PPP6R3: variants seen among roughly 807,000 people sequenced by gnomAD.
PPP6R3 encodes protein phosphatase 6 regulatory subunit 3.
In PPP6R3, 38 loss-of-function variants were observed where a neutral mutation model predicts 110.7. The ratio of observed to expected loss-of-function variants is 0.34; its 90% CI spans 0.26 to 0.45. The LOEUF is 0.45. PPP6R3 is among the 20% of genes least tolerant of loss of function. The pLI is 1.00. For synonymous variants in PPP6R3, 369 were observed against 373.5 expected (o/e 0.99, Z 0.14); for missense variants, 870 against 1,062.4 (o/e 0.82, Z 2.52).
At position 68,613,898 on chromosome 11, in the gene PPP6R3, A is replaced by ATT. The variant is rs11309470; in HGVS notation, c.*798_*799dup. The ATT allele has an allele frequency of 1.4e-3, 1,305 of 916,696 alleles. 3 individuals carry two copies. The highest frequency in any genetic ancestry group is 7.4e-3 in the African/African-American group (364 of 49,212). The allele number at this position is 916,696 out of a possible 1,614,324, so 56.8% of individuals were successfully genotyped here. On this transcript the variant is annotated 3_prime_UTR_variant, in exon 24 of 24. Transcript: ENST00000393800. ...GAGTGTATATGGCTTGTGTTTTGGG[A>ATT]TTTTTTTTTTTTTTTTTTGGCTTTT...
rs1944480176 is a variant in PPP6R3 at position 68,613,397 on chromosome 11, A to T, written c.*280A>T. On this transcript the variant is annotated 3_prime_UTR_variant, in exon 24 of 24. Transcript: ENST00000393800. ...TGAAATAAGATCTTGCCACCCATGT[A>T]ATAATAGTAGTAATACTATAGTTAA... 1 of 1,152,234 alleles carries T rather than the reference A, an allele frequency of 8.7e-7. No homozygotes were observed. The highest frequency in any genetic ancestry group is 1.1e-6 in the Non-Finnish European group (1 of 936,278). The allele number at this position is 1,152,234 out of a possible 1,614,324, so 71.4% of individuals were successfully genotyped here.
At chr11:68,568,020 A>G (rs189355534) in intron 10 of PPP6R3, among the ~76,000 whole-genome samples, 1 of 152,202 alleles carries the variant, frequency 6.6e-6, no homozygotes, top group Admixed American at 6.5e-5. Context: ...CGGTGAAGCC[A>G]AGATTTGAAT....
intron 1 of PPP6R3, among the ~76,000 whole-genome samples, chr11:68,484,298 A>G (rs757258689): frequency 2.0e-5 from 3 of 152,214 alleles, no homozygotes; most frequent in African/African-American, 7.2e-5. Context: ...AACTGCCCAC[A>G]GTGGCTGTAC....
rs1566262958 is a variant in PPP6R3 at position 68,614,599 on chromosome 11, C to T, written c.*1482C>T. On this transcript the variant is annotated 3_prime_UTR_variant, in exon 24 of 24. Transcript: ENST00000393800. ...AATAAAAGAATCAAACGTCTAATGC[C>T]TTATTATTTCTGATTTCCTTTTTCA... The T allele has an allele frequency of 1.3e-6, 2 of 1,514,548 alleles. No homozygotes were observed. The highest frequency in any genetic ancestry group is 2.7e-5 in the Admixed American group (1 of 37,558). 93.8% of individuals were successfully genotyped at this position (1,514,548 alleles called of 1,614,324 possible). A position where few individuals can be genotyped will look rare whatever the true frequency, so the allele number is the denominator to read the frequency against.
intron 11 of PPP6R3, 27 bp downstream of exon 11, chr11:68,569,924 C>G (rs1367296425): frequency 6.9e-6 from 11 of 1,584,780 alleles, no homozygotes; most frequent in Non-Finnish European, 9.5e-6. Flanking sequence ...TCGTTTTTCT[C>G]CCACTCTCTC....
intron 3 of PPP6R3, among the ~76,000 whole-genome samples, chr11:68,540,800 G>T (rs2099311034): frequency 6.6e-6 from 1 of 152,222 alleles, no homozygotes; most frequent in Non-Finnish European, 1.5e-5. Flanking sequence ...TTTGAAAGAA[G>T]AGAAATATGG....
intron 1 of PPP6R3, among the ~76,000 whole-genome samples, chr11:68,466,824 A>G (rs2098750636): frequency 6.6e-6 from 1 of 152,250 alleles, no homozygotes; most frequent in Non-Finnish European, 1.5e-5. Flanking sequence ...CGTGTTAGCC[A>G]GGATGGTCTC....
chr11:68,573,747 A>C (rs1300672038), intron 12 of PPP6R3, among the ~76,000 whole-genome samples: 2 of 152,222 alleles, frequency 1.3e-5, no homozygotes, highest in African/African-American at 4.8e-5. Context: ...AAAAAGTTTC[A>C]TTAAAAAGAT....
intron 11 of PPP6R3, among the ~76,000 whole-genome samples, chr11:68,570,789 A>G (rs1219088771): frequency 2.0e-5 from 3 of 152,218 alleles, no homozygotes; most frequent in Non-Finnish European, 4.4e-5. Context: ...AGTTAACTAT[A>G]GGTAGTTAAC....
At position 68,515,771 on chromosome 11, in the gene PPP6R3, A is replaced by G. The variant is rs547204730; in HGVS notation, c.-157-3730A>G. ...TAACTGTAATTACTTCCTTTCTCCA[A>G]ATATAACCATGCTGGGAGTTAGGAC... On this transcript the variant is annotated intron_variant, in intron 1 of 23. Transcript: ENST00000393800. Among the ~76,000 whole-genome samples the G allele has an allele frequency of 3.3e-5, 5 of 152,310 alleles. No individual in the cohort carries two copies. In the East Asian group the frequency reaches 9.6e-4, roughly 29 times the overall value.
chr11:68,519,842 T>C (rs1313847196), intron 2 of PPP6R3, among the ~76,000 whole-genome samples, 191 bp downstream of exon 2: 1 of 152,132 alleles, frequency 6.6e-6, no homozygotes, highest in Non-Finnish European at 1.5e-5. Flanking sequence ...TCTGCTTTGG[T>C]ATATCTTAAA....
intron 19 of PPP6R3, among the ~76,000 whole-genome samples, chr11:68,598,190 T>G (rs2099619938): frequency 6.6e-6 from 1 of 152,212 alleles, no homozygotes; most frequent in Non-Finnish European, 1.5e-5. Flanking sequence ...AGTATTTATC[T>G]TTGTGACTGG....
At chr11:68,482,282 C>T (rs899222262) in intron 1 of PPP6R3, among the ~76,000 whole-genome samples, 10 of 149,728 alleles carry the variant, frequency 6.7e-5, no homozygotes, top group Admixed American at 5.3e-4. Flanking sequence ...AACGTGGTGG[C>T]GGGCGCCTGT....
At position 68,574,208 on chromosome 11, in the gene PPP6R3, G is replaced by A; in HGVS notation, c.1443G>A (p.Val481=). The A allele has an allele frequency of 1.2e-6, 2 of 1,613,240 alleles. No individual in the cohort carries two copies. The highest frequency in any genetic ancestry group is 8.5e-7 in the Non-Finnish European group (1 of 1,179,290). Residue 481 remains valine, a synonymous_variant, in exon 13 of 24, where the codon GTG becomes GTA. Transcript: ENST00000393800. ...STDKGPNSAL[V]QQLIKDLPDE... is the part of the protein sequence containing the mutation. The stretch of plus-strand genomic sequence containing the variant: ...ACAAGGGCCCCAACAGTGCATTAGT[G>A]CAGCAGCTTATCAAAGGTAAGTTAT...
chr11:68,489,092 C>G (rs1198395483), intron 1 of PPP6R3, among the ~76,000 whole-genome samples: 5 of 145,880 alleles, frequency 3.4e-5, no homozygotes, highest in Admixed American at 1.4e-4. Flanking sequence ...GATCTCGGCT[C>G]ACTACAAGCT....
intron 20 of PPP6R3, among the ~76,000 whole-genome samples, 188 bp downstream of exon 20, chr11:68,600,682 C>T (rs2099629160): frequency 6.6e-6 from 1 of 152,232 alleles, no homozygotes; most frequent in Non-Finnish European, 1.5e-5. Context: ...TCTTCCTTTC[C>T]TTTCCTCCTG....
In PPP6R3 at chr11:68,563,951, A is replaced by G. The variant is rs61063428; in HGVS notation, c.846-352A>G. ...TAATAACACCCCAAACTGGCAGGCA[A>G]TTTGGGGTGCCCTATAATCCAGAGG... On this transcript the variant is annotated intron_variant, in intron 8 of 23. Transcript: ENST00000393800. 5.5e-3 allele frequency among the ~76,000 whole-genome samples: 837 copies of G among 152,298 alleles called. 10 individuals carry two copies. The highest frequency in any genetic ancestry group is 0.019 in the African/African-American group (806 of 41,576).
rs183477202 is a variant in PPP6R3 at position 68,538,687 on chromosome 11, G to A, written c.227+796G>A. Among the ~76,000 whole-genome samples, 10 of 152,342 alleles carry A rather than the reference G, an allele frequency of 6.6e-5. No homozygotes were observed. The East Asian group carries it at 1.9e-3, about 29-fold the overall frequency. ...CTTTCGTCTTGGGGAGAAATGTGCT[G>A]TTAGGGAAATAATACTTGTTAATGC... On this transcript the variant is annotated intron_variant, in intron 3 of 23. Transcript: ENST00000393800.
chr11:68,577,813 G>A (rs1318091611), intron 14 of PPP6R3, among the ~76,000 whole-genome samples: 1 of 152,120 alleles, frequency 6.6e-6, no homozygotes, highest in Admixed American at 6.5e-5. Context: ...TTGCGTCTCG[G>A]TTCTTCTTTG....
Sources: allele counts gnomAD v4.1 joint callset (sites outside exome capture counted in the v4.1 genomes callset), GRCh38; gene constraint gnomAD v4.1.1; transcripts MANE v1.5; gene names NCBI Gene and HGNC (gene_info 2026-07-23, HGNC 2026-07-21).